IRS2: variants seen among roughly 807,000 people sequenced by gnomAD.
The protein encoded by IRS2 is insulin receptor substrate 2.
A neutral mutation model predicts 70.9 loss-of-function variants in IRS2; 28 were observed. That is an observed-to-expected ratio of 0.39 (90% CI 0.29 to 0.54). The LOEUF is 0.54. Among genes scored for constraint, IRS2 ranks in the 20% least tolerant of loss-of-function variants. The pLI, the probability that IRS2 is intolerant of heterozygous loss-of-function variation, is 0.59. For missense variants in IRS2, 2,081 were observed against 2,024.1 expected, an observed-to-expected ratio of 1.03 and a Z score of -0.54; for synonymous variants, 1,217 against 981.9, an observed-to-expected ratio of 1.24 and a Z score of -4.48.
At position 109,782,530 on chromosome 13, in the gene IRS2, G is replaced by A. The variant is rs779266814; in HGVS notation, c.3524C>T (p.Ala1175Val). 1.1e-5 allele frequency: 17 copies of A among 1,557,022 alleles called. No homozygotes were observed. Among genetic ancestry groups the A allele is most frequent in the Admixed American group, 7.8e-5 (4 of 51,488 alleles). Residue 1175 changes from alanine (A) to valine (V), a missense_variant, in exon 1 of 2, where the codon GCC becomes GTC. Transcript: ENST00000375856. ...CCTGAGAGAGACATTTTCCACGGAG[G>A]CCGAGTTGTGGCGCTTGGGGTTGTG... The part of the protein sequence containing the change: ...FAHNPKRHNS[A>V]SVENVSLRKS...
chr13:109,756,955 T>C (rs1484217367), intron 1 of IRS2, among the ~76,000 whole-genome samples: 1 of 152,178 alleles, frequency 6.6e-6, no homozygotes, highest in Non-Finnish European at 1.5e-5. Context: ...CCCTCAACAT[T>C]AGGAAAGGGT....
Position 109,784,315 on chromosome 13 carries a change from G to A in IRS2, c.1739C>T (p.Thr580Met), listed in dbSNP as rs1172028943. The change falls in exon 1 of 2, where the codon ACG (threonine) becomes ATG (methionine). Residue 580 changes from threonine to methionine, a missense_variant. This residue lies in a region of IRS2 where 1,615 missense variants were observed against 1,459.5 expected (regional missense o/e 1.11). Transcript: ENST00000375856. This position sits in a 1 kb window ranked among gnomAD's most constrained non-coding sequence, Gnocchi z 5.2. ...GGGCACCGGCCGCTGCCGGGCTGGC[G>A]TGGTCAGGGAGTAGGTCCTCTTGCG... ...GLRKRTYSLT[T>M]PARQRPVPQP... is the part of the protein sequence containing the mutation. 6.2e-7 allele frequency: 1 copy of A among 1,603,062 alleles called. No individual in the cohort carries two copies. The highest frequency in any genetic ancestry group is 8.5e-7 in the Non-Finnish European group (1 of 1,175,794).
At position 109,752,728 on chromosome 13, in the gene IRS2, A is replaced by G. The variant is rs1877010943; in HGVS notation, c.*3576T>C. On this transcript the variant is annotated 3_prime_UTR_variant, in exon 2 of 2. Transcript: ENST00000375856. ...TGCACTGATTTTATTTGTTCAAAAG[A>G]TAACACACACATTATTACATGACTA... 6.6e-6 allele frequency: 1 copy of G among 152,226 alleles called. No homozygotes were observed. Among genetic ancestry groups the G allele is most frequent in the East Asian group, 1.9e-4 (1 of 5,196 alleles). 9.4% of individuals were successfully genotyped at this position (152,226 alleles called of 1,614,324 possible). A position where few individuals can be genotyped will look rare whatever the true frequency, so the allele number is the denominator to read the frequency against.
intron 1 of IRS2, among the ~76,000 whole-genome samples, chr13:109,769,131 C>A (rs890873569): frequency 1.3e-5 from 2 of 152,152 alleles, no homozygotes; most frequent in African/African-American, 4.8e-5. Context: ...CACTAGATCA[C>A]TTCTAGGTCT....
Position 109,784,002 on chromosome 13 carries a change from G to A in IRS2, c.2052C>T (p.Ser684=), listed in dbSNP as rs1232295416. 4 of 1,534,094 alleles carry A rather than the reference G, an allele frequency of 2.6e-6. No individual in the cohort carries two copies. Among genetic ancestry groups the A allele is most frequent in the South Asian group, 2.4e-5 (2 of 83,766 alleles). The part of the protein sequence containing the change: ...DYMPMSPASV[S]APKQILQPRA... ...TGGGCTGCAAGATCTGCTTGGGGGC[G>A]GACACGCTGGCGGGGCTCATGGGCA... Residue 684 remains serine, a synonymous_variant, in exon 1 of 2, where the codon TCC becomes TCT. Transcript: ENST00000375856. The surrounding 1 kb of genome is among the most constrained non-coding windows in gnomAD (Gnocchi z 5.2).
intron 1 of IRS2, among the ~76,000 whole-genome samples, chr13:109,779,688 C>CTGCAGTTGTCTATTTTGATT (rs1240408271): frequency 2.0e-5 from 3 of 152,066 alleles, no homozygotes; most frequent in Non-Finnish European, 4.4e-5. Flanking sequence ...GGTGGACTGA[C>CTGCAGTTGTCTATTTTGATT]TGCAGTTGTC....
At chr13:109,777,097 G>T (rs9559656) in intron 1 of IRS2, among the ~76,000 whole-genome samples, 41 of 151,934 alleles carry the variant, frequency 2.7e-4, no homozygotes, top group Non-Finnish European at 4.3e-4. Context: ...CTGCATTACA[G>T]CTGTCCAAAT....
intron 1 of IRS2, among the ~76,000 whole-genome samples, chr13:109,772,842 C>A (rs1333862902): frequency 6.6e-6 from 1 of 151,712 alleles, no homozygotes; most frequent in African/African-American, 2.4e-5. Flanking sequence ...ACTACAGGCG[C>A]CCGCCACCGC....
chr13:109,784,611 G>A lies in IRS2; in HGVS notation c.1443C>T (p.Pro481=). 1.5e-6 allele frequency: 2 copies of A among 1,346,042 alleles called. No homozygotes were observed. Among genetic ancestry groups the A allele is most frequent in the Non-Finnish European group, 1.9e-6 (2 of 1,054,662 alleles). The allele number at this position is 1,346,042 out of a possible 1,614,324, so 83.4% of individuals were successfully genotyped here. Residue 481 remains proline (P), a synonymous_variant, in exon 1 of 2, where the codon CCC becomes CCT. Transcript: ENST00000375856. This position sits in a 1 kb window ranked among gnomAD's most constrained non-coding sequence, Gnocchi z 5.2. The part of the protein sequence containing the change: ...HPLHHGPGQR[P]SSGSASASGS... Reference sequence around the variant, plus strand: ...CCGAGGCGGAGGCGCTGCCGCTGGAGGGCCGCTGGCCGGGGCCGTGGTGCA... The same window carrying A: ...CCGAGGCGGAGGCGCTGCCGCTGGAAGGCCGCTGGCCGGGGCCGTGGTGCA...
At position 109,784,437 on chromosome 13, in the gene IRS2, G is replaced by T; in HGVS notation, c.1617C>A (p.Phe539Leu). The T allele has an allele frequency of 6.3e-7, 1 of 1,594,202 alleles. No individual in the cohort carries two copies. Residue 539 changes from phenylalanine to leucine, a missense_variant, in exon 1 of 2, where the codon TTC becomes TTA. Coordinates refer to ENST00000375856, the MANE Select transcript of IRS2 (RefSeq NM_003749.3). This position sits in a 1 kb window ranked among gnomAD's most constrained non-coding sequence, Gnocchi z 5.2. ...GCCTGTCCATGGTCATGTACCCGTA[G>T]AACTCACCGCCGCCGCCGCCGTCTC... The part of the protein sequence containing the change: ...PARDGGGGGE[F>L]YGYMTMDRPL...
rs770628772 is a variant in IRS2 at position 109,783,255 on chromosome 13, C to T, written c.2799G>A (p.Pro933=). 24 of 1,455,552 alleles carry T rather than the reference C, an allele frequency of 1.6e-5. No homozygotes were observed. The highest frequency in any genetic ancestry group is 2.0e-5 in the Non-Finnish European group (22 of 1,109,694). The allele number at this position is 1,455,552 out of a possible 1,614,324, so 90.2% of individuals were successfully genotyped here. ...DFGEPGARLS[P]PAPPLLASAA... Reference sequence around the variant, plus strand: ...CCGACGCCAGCAGGGGAGGCGCGGGCGGCGACAGGCGGGCCCCGGGCTCGC... The same window carrying T: ...CCGACGCCAGCAGGGGAGGCGCGGGTGGCGACAGGCGGGCCCCGGGCTCGC... The change falls in exon 1 of 2, where the codon CCG becomes CCA. Residue 933 remains proline (P), a synonymous_variant. Coordinates refer to ENST00000375856, the MANE Select transcript of IRS2 (RefSeq NM_003749.3).
intron 1 of IRS2, among the ~76,000 whole-genome samples, chr13:109,774,218 A>G (rs750967520): frequency 6.6e-6 from 1 of 152,180 alleles, no homozygotes. Context: ...AGACAGCCAG[A>G]GCAATCTAAG....
Position 109,783,858 on chromosome 13 carries a change from G to A in IRS2, c.2196C>T (p.Pro732=), listed in dbSNP as rs750213461. The A allele has an allele frequency of 6.4e-7, 1 of 1,557,300 alleles. No homozygotes were observed. The highest frequency in any genetic ancestry group is 1.4e-5 in the African/African-American group (1 of 73,510). ...ASGGGYKASS[P]AESSPEDSGY... is the part of the protein sequence containing the mutation. ...CACTGTCCTCGGGGGAGCTCTCGGC[G>A]GGCGAGCTGGCCTTGTAGCCGCCCC... The change falls in exon 1 of 2, where the codon CCC becomes CCT. Residue 732 remains proline (P), a synonymous_variant. Coordinates refer to ENST00000375856, the MANE Select transcript of IRS2 (RefSeq NM_003749.3).
Position 109,782,334 on chromosome 13 carries a change from G to C in IRS2, c.3720C>G (p.Arg1240=), listed in dbSNP as rs1021824740. The change falls in exon 1 of 2, where the codon CGC becomes CGG. Residue 1240 remains arginine, a synonymous_variant. Transcript: ENST00000375856. ...GCPGSGGSPM[R]RETSAGFQNG... ...TCTGGAAGCCGGCAGAGGTCTCTCT[G>C]CGCATGGGCGATCCACCGCTCCCAG... The C allele has an allele frequency of 6.2e-7, 1 of 1,611,600 alleles. No homozygotes were observed. The highest frequency in any genetic ancestry group is 8.5e-7 in the Non-Finnish European group (1 of 1,179,462).
At chr13:109,769,610 A>G (rs1433923676) in intron 1 of IRS2, among the ~76,000 whole-genome samples, 2 of 152,056 alleles carry the variant, frequency 1.3e-5, no homozygotes, top group Non-Finnish European at 2.9e-5. Context: ...TCCCTGCTTC[A>G]TTGCTAGAGC....
chr13:109,778,216 C>G (rs1225412024), intron 1 of IRS2, among the ~76,000 whole-genome samples: 2 of 152,180 alleles, frequency 1.3e-5, no homozygotes, highest in East Asian at 1.9e-4. Context: ...ATTTTACAGA[C>G]AGGGAAAGTG....
In IRS2 at chr13:109,782,673, C is replaced by G. The variant is rs2138930377; in HGVS notation, c.3381G>C (p.Pro1127=). ...TGACCTTGGCGCCGCGGTGGGGGTC[C>G]GGGGGCTGGCTGGCCTGCAGGAAGG... The part of the protein sequence containing the change: ...VEAFLQASQP[P]DPHRGAKVIR... The change falls in exon 1 of 2, where the codon CCG becomes CCC. Residue 1127 remains proline, a synonymous_variant. Coordinates refer to ENST00000375856, the MANE Select transcript of IRS2 (RefSeq NM_003749.3). The G allele has an allele frequency of 1.3e-6, 2 of 1,572,972 alleles. No individual in the cohort carries two copies. The highest frequency in any genetic ancestry group is 1.2e-5 in the South Asian group (1 of 86,260).
chr13:109,756,420 A>T, intron 1 of IRS2, 112 bp from the exon 2 acceptor site: 2 of 850,374 alleles, frequency 2.4e-6, no homozygotes, highest in South Asian at 2.7e-5. Context: ...CATTTTCATA[A>T]ACTGATGACC....
intron 1 of IRS2, among the ~76,000 whole-genome samples, chr13:109,770,422 G>C (rs965343245): frequency 1.3e-5 from 2 of 152,178 alleles, no homozygotes; most frequent in Non-Finnish European, 2.9e-5. Flanking sequence ...TAGGAATCGG[G>C]ATAGCAGCAG....
Sources: allele counts gnomAD v4.1 joint callset (sites outside exome capture counted in the v4.1 genomes callset), GRCh38; gene constraint gnomAD v4.1.1; regional missense constraint gnomAD v4.1.1; non-coding constraint Gnocchi (gnomAD v3.1); transcripts MANE v1.5; gene names NCBI Gene and HGNC (gene_info 2026-07-23, HGNC 2026-07-21).